THSD4: variants seen among roughly 807,000 people sequenced by gnomAD.
THSD4 encodes thrombospondin type-1 domain-containing protein 4.
In THSD4, 69 loss-of-function variants were observed where a neutral mutation model predicts 119.0. That is an observed-to-expected ratio of 0.58 (90% CI 0.48 to 0.71). THSD4 has a LOEUF of 0.71. Ranked by LOEUF, THSD4 falls within the 30% of genes least tolerant of loss-of-function variation. The pLI, the probability that THSD4 is intolerant of heterozygous loss-of-function variation, is 0.00. For missense variants in THSD4, 1,393 were observed against 1,391.1 expected (o/e 1.00, Z -0.02); for synonymous variants, 524 against 540.4 (o/e 0.97, Z 0.42).
intron 2 of THSD4, among the ~76,000 whole-genome samples, chr15:71,149,048 T>C (rs940134126): frequency 5.2e-4 from 79 of 151,650 alleles, no homozygotes; most frequent in African/African-American, 1.8e-3. Flanking sequence ...ACTTTTTTTT[T>C]TTTTTTTTGA....
intron 8 of THSD4, among the ~76,000 whole-genome samples, chr15:71,691,050 A>G (rs552280284): frequency 3.3e-5 from 5 of 152,210 alleles, no homozygotes; most frequent in Non-Finnish European, 7.3e-5. Context: ...CCTTCTAGGT[A>G]GAAGGGGCAG....
At chr15:71,477,687 T>G (rs575470598) in intron 7 of THSD4, among the ~76,000 whole-genome samples, 1 of 152,256 alleles carries the variant, frequency 6.6e-6, no homozygotes, top group East Asian at 1.9e-4. Flanking sequence ...TCCACCTTCA[T>G]GCTGACCATT....
chr15:71,476,373 T>C (rs2047655652), intron 7 of THSD4, among the ~76,000 whole-genome samples: 1 of 151,970 alleles, frequency 6.6e-6, no homozygotes, highest in Admixed American at 6.6e-5. Flanking sequence ...TTGGGATTAC[T>C]AGTAGCGGGA....
intron 2 of THSD4, 71 bp from the exon 3 acceptor site, chr15:71,154,792 T>C: frequency 2.0e-6 from 3 of 1,495,802 alleles, no homozygotes; most frequent in Non-Finnish European, 2.8e-6. Flanking sequence ...GAGATGGCGA[T>C]GCTGCCTTCC....
chr15:71,493,441 G>A (rs1272042601), intron 7 of THSD4, among the ~76,000 whole-genome samples: 2 of 152,136 alleles, frequency 1.3e-5, no homozygotes, highest in Non-Finnish European at 2.9e-5. Context: ...GGTACAAAGA[G>A]CTCCTTTCAT....
chr15:71,454,273 AAAAG>A lies in THSD4; in HGVS notation c.1152+42454_1152+42457del, dbSNP rs369016785. 2.4e-3 allele frequency among the ~76,000 whole-genome samples: 373 copies of A among 152,302 alleles called. 2 individuals carry two copies. The highest frequency in any genetic ancestry group is 8.6e-3 in the African/African-American group (356 of 41,550). ...CTCCATCTCAAACAAAACAAAAACAAAAAGAAACCCCACTCTTTCCTCTCTTGCA... is the reference window on the plus strand; with the variant it reads ...CTCCATCTCAAACAAAACAAAAACAAAAACCCCACTCTTTCCTCTCTTGCA... On this transcript the variant is annotated intron_variant, in intron 7 of 17. Transcript: ENST00000261862.
At chr15:71,546,085 C>T (rs1027369621) in intron 7 of THSD4, among the ~76,000 whole-genome samples, 3 of 152,164 alleles carry the variant, frequency 2.0e-5, no homozygotes, top group African/African-American at 7.2e-5. Flanking sequence ...CCTAGGTGAG[C>T]TCATTGATAG....
intron 14 of THSD4, among the ~76,000 whole-genome samples, chr15:71,754,725 A>C (rs2053508302): frequency 6.6e-6 from 1 of 152,212 alleles, no homozygotes; most frequent in Non-Finnish European, 1.5e-5. Flanking sequence ...AAGCTGACAA[A>C]AGATTAACAG....
At chr15:71,519,731 G>A (rs1446155299) in intron 7 of THSD4, among the ~76,000 whole-genome samples, 2 of 152,202 alleles carry the variant, frequency 1.3e-5, no homozygotes, top group Non-Finnish European at 2.9e-5. Flanking sequence ...AAGACAGGAA[G>A]TGGGAAAAAT....
At chr15:71,764,920 G>A in intron 15 of THSD4, 100 bp from the exon 16 acceptor site, 1 of 1,422,512 alleles carries the variant, frequency 7.0e-7, no homozygotes, top group East Asian at 2.3e-5. Context: ...AGAATTGGTG[G>A]TAGAATTGAC....
intron 7 of THSD4, among the ~76,000 whole-genome samples, chr15:71,490,283 G>T (rs140751359): frequency 1.2e-4 from 18 of 151,708 alleles, no homozygotes; most frequent in Non-Finnish European, 2.4e-4. Context: ...AAATTAGGCC[G>T]GGCGTGGTGG....
intron 7 of THSD4, among the ~76,000 whole-genome samples, chr15:71,470,875 T>C (rs1447685202): frequency 6.6e-6 from 1 of 152,052 alleles, no homozygotes; most frequent in Non-Finnish European, 1.5e-5. Flanking sequence ...GACCTCATGA[T>C]CCACCCGCCT....
At chr15:71,717,893 A>G (rs1211500038) in intron 8 of THSD4, among the ~76,000 whole-genome samples, 2 of 152,206 alleles carry the variant, frequency 1.3e-5, no homozygotes, top group African/African-American at 4.8e-5. Context: ...TTATGCCTGT[A>G]ATCCCAGCAT....
intron 9 of THSD4, chr15:71,729,084 T>C (rs1207675482): frequency 3.9e-6 from 1 of 256,842 alleles, no homozygotes; most frequent in Non-Finnish European, 7.7e-6. Flanking sequence ...TGTTTTCTTT[T>C]TATGGCAAAA....
At position 71,747,025 on chromosome 15, in the gene THSD4, C is replaced by T. The variant is rs370240552; in HGVS notation, c.2224C>T (p.Arg742Trp). The T allele has an allele frequency of 3.4e-5, 54 of 1,609,818 alleles. No homozygotes were observed. The highest frequency in any genetic ancestry group is 3.6e-5 in the Non-Finnish European group (43 of 1,179,170). The change falls in exon 13 of 18, where the codon CGG (arginine) becomes TGG (tryptophan). Residue 742 changes from arginine (R) to tryptophan (W), a missense_variant. Arg to Trp is a moderately radical substitution (Grantham distance 101). Coordinates refer to ENST00000261862, the MANE Select transcript of THSD4 (RefSeq NM_024817.3). ...QLKICSEWQI[R>W]TDWTSCSVPC... The stretch of plus-strand genomic sequence containing the variant: ...CAAGATCTGCAGCGAGTGGCAGATC[C>T]GGACCGACTGGACCTCGGTACGCAG...
chr15:71,688,632 C>G (rs2051969451), intron 8 of THSD4, among the ~76,000 whole-genome samples: 1 of 150,030 alleles, frequency 6.7e-6, no homozygotes, highest in African/African-American at 2.5e-5. Flanking sequence ...TATTAGGTTC[C>G]CTGTTTAATC....
At chr15:71,495,985 A>G (rs912356953) in intron 7 of THSD4, among the ~76,000 whole-genome samples, 1 of 152,182 alleles carries the variant, frequency 6.6e-6, no homozygotes, top group Non-Finnish European at 1.5e-5. Context: ...GTTCATGCCA[A>G]TCTCTTGCCT....
At chr15:71,273,531 G>A (rs2044557200) in intron 6 of THSD4, among the ~76,000 whole-genome samples, 1 of 152,130 alleles carries the variant, frequency 6.6e-6, no homozygotes, top group Admixed American at 6.6e-5. Context: ...TGCTAAAAGA[G>A]TAGATTCTAA....
chr15:71,318,057 A>G (rs1313669904), intron 6 of THSD4, among the ~76,000 whole-genome samples: 2 of 152,108 alleles, frequency 1.3e-5, no homozygotes, highest in Non-Finnish European at 2.9e-5. Flanking sequence ...CCCACCTACC[A>G]GTGGCTTTTG....
Sources: gnomAD v4.1 joint callset for allele counts (sites outside exome capture counted in the v4.1 genomes callset) on GRCh38, gnomAD v4.1.1 for gene constraint, MANE v1.5 for transcripts, NCBI Gene and HGNC (gene_info 2026-07-23, HGNC 2026-07-21) for gene names.